The following FMN1 variants were observed in gnomAD, a reference collection of about 807,000 sequenced individuals.
FMN1 encodes formin 1.
In FMN1, 110 loss-of-function variants were observed where a neutral mutation model predicts 132.4. That is an observed-to-expected ratio of 0.83 (90% CI 0.71 to 0.97). FMN1 has a LOEUF of 0.97. Ranked by LOEUF, FMN1 falls within the 50% of genes least tolerant of loss-of-function variation. The pLI is 0.00. For synonymous variants in FMN1, 722 were observed against 651.7 expected (o/e 1.11, Z -1.64); for missense variants, 1,792 against 1,705.3 (o/e 1.05, Z -0.90).
Position 32,790,499 on chromosome 15 carries a change from A to G in FMN1, c.4130+8305T>C, listed in dbSNP as rs531661745. On this transcript the variant is annotated intron_variant, in intron 19 of 20. Coordinates refer to ENST00000616417, the MANE Select transcript of FMN1 (RefSeq NM_001277313.2). ...TCTGCCATCTCTGTGGGGAGTTTCT[A>G]AAACCACAGATTTCTAGACTCTACA... is the stretch of plus-strand genomic sequence containing the variant. 2.1e-4 allele frequency among the ~76,000 whole-genome samples: 32 copies of G among 152,338 alleles called. No homozygotes were observed. In the South Asian group the frequency reaches 6.2e-3, roughly 30 times the overall value.
chr15:32,946,244 G>A (rs1189206167), intron 9 of FMN1, among the ~76,000 whole-genome samples: 4 of 152,072 alleles, frequency 2.6e-5, no homozygotes, highest in Admixed American at 6.6e-5. Context: ...AAGCAAGTGC[G>A]TATCATACAC....
At chr15:32,863,274 A>G (rs939054892) in intron 16 of FMN1, among the ~76,000 whole-genome samples, 2 of 151,770 alleles carry the variant, frequency 1.3e-5, no homozygotes, top group African/African-American at 4.9e-5. Flanking sequence ...CATCTCTACT[A>G]AAAATACAAA....
intron 9 of FMN1, among the ~76,000 whole-genome samples, chr15:32,963,149 A>C (rs1320265180): frequency 1.3e-4 from 20 of 150,612 alleles, no homozygotes; most frequent in Admixed American, 1.3e-3. Context: ...TACACCATGG[A>C]ATACTATGCA....
chr15:33,194,160 C>T (rs1966181708), intron 1 of FMN1, 100 bp from the exon 2 acceptor site: 1 of 148,758 alleles, frequency 6.7e-6, no homozygotes, highest in Non-Finnish European at 1.5e-5. Context: ...CATTGTGGTG[C>T]TCCCCCTCTG....
intron 7 of FMN1, among the ~76,000 whole-genome samples, chr15:32,984,883 A>T (rs1246547713): frequency 6.6e-6 from 1 of 151,032 alleles, no homozygotes; most frequent in Non-Finnish European, 1.5e-5. Flanking sequence ...TTTTGCAAGC[A>T]ATTTTTTAAC....
intron 3 of FMN1, among the ~76,000 whole-genome samples, chr15:33,169,017 C>T (rs1965216444): frequency 6.6e-6 from 1 of 152,164 alleles, no homozygotes; most frequent in African/African-American, 2.4e-5. Context: ...ATACTTTATA[C>T]AAAAATCTCA....
chr15:32,990,279 G>C (rs1304695354), intron 7 of FMN1, among the ~76,000 whole-genome samples: 1 of 152,136 alleles, frequency 6.6e-6, no homozygotes, highest in Non-Finnish European at 1.5e-5. Context: ...GCAACACTGG[G>C]AGGGCAGCAA....
intron 4 of FMN1, chr15:33,151,503 C>T (rs1964437846): frequency 1.1e-6 from 1 of 930,874 alleles, no homozygotes; most frequent in South Asian, 1.7e-5. Flanking sequence ...TGAATGTGCT[C>T]TGTGTGCCTG....
chr15:32,814,940 AT>A (rs1325411043), intron 17 of FMN1, among the ~76,000 whole-genome samples: 3 of 40,816 alleles, frequency 7.4e-5, no homozygotes, highest in Non-Finnish European at 1.5e-4. Context: ...ATTTTATTTT[AT>A]TATTATTATT....
At chr15:33,151,160 C>T in intron 4 of FMN1, 1 of 1,474,124 alleles carries the variant, frequency 6.8e-7, no homozygotes, top group East Asian at 2.5e-5. Flanking sequence ...GGAACTCCCT[C>T]CCTCATGCCT....
intron 17 of FMN1, among the ~76,000 whole-genome samples, chr15:32,853,075 C>A (rs145556892): frequency 6.6e-6 from 1 of 152,222 alleles, no homozygotes; most frequent in African/African-American, 2.4e-5. Flanking sequence ...TATAGCAGGG[C>A]GGTAACAGTA....
At chr15:33,049,649 A>T (rs1272439143) in intron 6 of FMN1, among the ~76,000 whole-genome samples, 2 of 152,222 alleles carry the variant, frequency 1.3e-5, no homozygotes, top group African/African-American at 4.8e-5. Context: ...AGGTTTTTCT[A>T]TACATCGTGA....
chr15:32,958,557 CAT>C (rs2030106393), intron 9 of FMN1, among the ~76,000 whole-genome samples: 1 of 128,368 alleles, frequency 7.8e-6, no homozygotes, highest in African/African-American at 3.6e-5. Context: ...GATATACATA[CAT>C]ACATACATAC....
intron 7 of FMN1, among the ~76,000 whole-genome samples, chr15:32,986,587 C>T (rs1210111679): frequency 6.6e-6 from 1 of 152,000 alleles, no homozygotes; most frequent in East Asian, 1.9e-4. Context: ...CTAGAGTGCT[C>T]AATGCCTTAA....
intron 3 of FMN1, among the ~76,000 whole-genome samples, chr15:33,165,783 C>T (rs1374423217): frequency 6.6e-6 from 1 of 152,124 alleles, no homozygotes; most frequent in Non-Finnish European, 1.5e-5. Context: ...TGATGGTACT[C>T]TCATTTTTAA....
chr15:33,079,381 G>C (rs954930888), intron 5 of FMN1, among the ~76,000 whole-genome samples: 2 of 152,206 alleles, frequency 1.3e-5, no homozygotes, highest in Middle Eastern at 3.2e-3. Flanking sequence ...CAGCACGCAG[G>C]AAGGCTGAGG....
chr15:33,041,361 T>A (rs558556384), intron 6 of FMN1, among the ~76,000 whole-genome samples: 3 of 149,986 alleles, frequency 2.0e-5, no homozygotes, highest in Non-Finnish European at 4.4e-5. Context: ...CACTTCTTGT[T>A]CAGCTTTCTT....
chr15:33,020,477 GTC>G (rs2035357866), intron 6 of FMN1, among the ~76,000 whole-genome samples: 1 of 151,980 alleles, frequency 6.6e-6, no homozygotes, highest in Non-Finnish European at 1.5e-5. Flanking sequence ...GTGAAACCCC[GTC>G]TCTACTAAAA....
At chr15:32,842,497 T>G (rs924415952) in intron 17 of FMN1, among the ~76,000 whole-genome samples, 13 of 152,224 alleles carry the variant, frequency 8.5e-5, no homozygotes, top group African/African-American at 2.4e-4. Flanking sequence ...CACTGTGGAT[T>G]CCTATTACCA....
Sources: gnomAD v4.1 joint callset for allele counts (sites outside exome capture counted in the v4.1 genomes callset) on GRCh38, gnomAD v4.1.1 for gene constraint, MANE v1.5 for transcripts, NCBI Gene and HGNC (gene_info 2026-07-23, HGNC 2026-07-21) for gene names.